RAB12: variants seen among roughly 807,000 people sequenced by gnomAD.
The protein encoded by RAB12 is RAB12, member RAS oncogene family, also known as ras-related protein Rab-12.
In RAB12, 11 loss-of-function variants were observed where a neutral mutation model predicts 28.4. The ratio of observed to expected loss-of-function variants is 0.39; its 90% confidence interval spans 0.24 to 0.64. The LOEUF is 0.64. Ranked by LOEUF, RAB12 falls within the 30% of genes least tolerant of loss-of-function variation. The pLI is 0.50. For synonymous variants in RAB12, 138 were observed against 145.3 expected (o/e 0.95, Z 0.36); for missense variants, 276 against 351.1 (o/e 0.79, Z 1.71).
At chr18:8,630,493 T>C (rs2096015328) in intron 2 of RAB12, among the ~76,000 whole-genome samples, 1 of 152,188 alleles carries the variant, frequency 6.6e-6, no homozygotes, top group Non-Finnish European at 1.5e-5. Flanking sequence ...TGTGTGTTCA[T>C]GTTCATGCTG....
At chr18:8,622,999 T>C (rs777038023) in intron 1 of RAB12, among the ~76,000 whole-genome samples, 15 of 152,206 alleles carry the variant, frequency 9.9e-5, no homozygotes, top group Non-Finnish European at 2.1e-4. Flanking sequence ...TCCCTGAACA[T>C]TGCTGTTATC....
intron 3 of RAB12, among the ~76,000 whole-genome samples, chr18:8,634,544 G>A (rs1205082355): frequency 6.6e-6 from 1 of 152,168 alleles, no homozygotes; most frequent in Non-Finnish European, 1.5e-5. Flanking sequence ...AAAACCAAAA[G>A]AAATGGCCTA....
At chr18:8,613,083 T>C (rs1255683356) in intron 1 of RAB12, among the ~76,000 whole-genome samples, 1 of 152,246 alleles carries the variant, frequency 6.6e-6, no homozygotes, top group African/African-American at 2.4e-5. Context: ...TGTTGTTTTT[T>C]GTATTGTTAA....
intron 2 of RAB12, among the ~76,000 whole-genome samples, chr18:8,625,853 G>C (rs996209263): frequency 2.0e-5 from 3 of 152,164 alleles, no homozygotes; most frequent in Non-Finnish European, 4.4e-5. Flanking sequence ...GCTTTCATCT[G>C]CGTTAATTGC....
intron 1 of RAB12, among the ~76,000 whole-genome samples, chr18:8,618,557 T>C (rs2096007959): frequency 6.6e-6 from 1 of 151,824 alleles, no homozygotes; most frequent in African/African-American, 2.4e-5. Context: ...TCCCCCAGGC[T>C]GGAGTACAGT....
intron 1 of RAB12, among the ~76,000 whole-genome samples, chr18:8,610,677 T>A (rs1441007166): frequency 6.6e-6 from 1 of 152,232 alleles, no homozygotes; most frequent in African/African-American, 2.4e-5. Flanking sequence ...GAAATTTTTT[T>A]AATTAAGTCA....
In RAB12 at chr18:8,625,022, G is replaced by A. The variant is rs749156619; in HGVS notation, c.575+24G>A. 16 of 1,453,564 alleles carry A rather than the reference G, an allele frequency of 1.1e-5. No individual in the cohort carries two copies. The South Asian group carries it at 1.7e-4, about 16-fold the overall frequency. 90.0% of individuals were successfully genotyped at this position (1,453,564 alleles called of 1,614,324 possible). ...TGGTAAGTGGGAGAGTGTGCACCCA[G>A]TAATGTGCTGTGTGTGTTTAACAGT... On this transcript the variant is annotated intron_variant, in intron 2 of 5. Coordinates refer to ENST00000649141, the MANE Select transcript of RAB12 (RefSeq NM_001025300.3).
intron 4 of RAB12, 148 bp downstream of exon 4, chr18:8,635,770 T>G: frequency 1.8e-6 from 1 of 549,820 alleles, no homozygotes; most frequent in Non-Finnish European, 3.1e-6. Flanking sequence ...TGTTTGCACT[T>G]TTTTGACTTC....
At chr18:8,632,279 C>T (rs2096016402) in intron 2 of RAB12, among the ~76,000 whole-genome samples, 1 of 132,030 alleles carries the variant, frequency 7.6e-6, no homozygotes, top group Non-Finnish European at 1.6e-5. Flanking sequence ...TAGACTCTGT[C>T]TCCAAAAAAA....
chr18:8,638,032 A>G (rs2096019934), intron 5 of RAB12, 117 bp from the exon 6 acceptor site: 1 of 634,772 alleles, frequency 1.6e-6, no homozygotes, highest in East Asian at 2.9e-5. Context: ...TGAAACTTGT[A>G]TTGAAAAGCA....
intron 4 of RAB12, 83 bp downstream of exon 4, chr18:8,635,705 A>T: frequency 1.2e-6 from 1 of 836,242 alleles, no homozygotes. Flanking sequence ...TACTTATTTT[A>T]AAAATTACAA....
intron 1 of RAB12, among the ~76,000 whole-genome samples, chr18:8,624,415 ATCT>A (rs945130409): frequency 3.9e-5 from 6 of 152,224 alleles, no homozygotes; most frequent in Admixed American, 1.3e-4. Flanking sequence ...AAATTTTAAA[ATCT>A]TCTCACTGTT....
rs766807365 is a variant in RAB12, at chr18:8,638,313, C to T, written c.*51C>T. 50 of 1,291,872 alleles carry T rather than the reference C, an allele frequency of 3.9e-5. No homozygotes were observed. The highest frequency in any genetic ancestry group is 8.6e-5 in the Admixed American group (5 of 58,164). The allele number at this position is 1,291,872 out of a possible 1,614,324, so 80.0% of individuals were successfully genotyped here. On this transcript the variant is annotated 3_prime_UTR_variant, in exon 6 of 6. Coordinates refer to ENST00000649141, the MANE Select transcript of RAB12 (RefSeq NM_001025300.3). ...AATGATTCCTGGAAAGGGGAAAAAA[C>T]GTTCTATTCTGCACTACAATCATTT...
chr18:8,624,305 C>A (rs945500067), intron 1 of RAB12, among the ~76,000 whole-genome samples: 2 of 152,126 alleles, frequency 1.3e-5, no homozygotes, highest in Admixed American at 1.3e-4. Flanking sequence ...ATATCTGAAG[C>A]TTTACAGGCT....
chr18:8,637,669 A>AACAG, intron 5 of RAB12, among the ~76,000 whole-genome samples: 1 of 152,194 alleles, frequency 6.6e-6, no homozygotes, highest in Non-Finnish European at 1.5e-5. Context: ...ACAGTCAGAA[A>AACAG]TCTGAGTATA....
At position 8,639,270 on chromosome 18, in the gene RAB12, T is replaced by C. The variant is rs1023461527; in HGVS notation, c.*1008T>C. The C allele has an allele frequency of 6.6e-6, 1 of 150,636 alleles. No individual in the cohort carries two copies. The highest frequency in any genetic ancestry group is 2.4e-5 in the African/African-American group (1 of 40,986). 9.3% of individuals were successfully genotyped at this position (150,636 alleles called of 1,614,324 possible). ...GCACTGTTTTGTTTAGTCAAGGTAA[T>C]TAAGTAATTATGTATTTGAATAACT... On this transcript the variant is annotated 3_prime_UTR_variant, in exon 6 of 6. Transcript: ENST00000649141.
intron 4 of RAB12, 184 bp downstream of exon 4, chr18:8,635,806 TGGAG>T (rs563734711): frequency 4.1e-5 from 21 of 507,802 alleles, no homozygotes; most frequent in South Asian, 2.0e-4. Flanking sequence ...CATTCTGAAA[TGGAG>T]GGAGAAAAAA....
intron 2 of RAB12, chr18:8,632,930 T>A (rs1396309731): frequency 2.3e-6 from 1 of 439,056 alleles, no homozygotes; most frequent in Non-Finnish European, 4.0e-6. Context: ...CAGGAGAGTA[T>A]GTTGATCTTG....
intron 2 of RAB12, among the ~76,000 whole-genome samples, chr18:8,631,692 G>A (rs190513704): frequency 3.9e-5 from 6 of 152,272 alleles, no homozygotes; most frequent in Admixed American, 2.6e-4. Context: ...GTTTTGTAAG[G>A]GGAAGAAATA....
Sources: allele counts gnomAD v4.1 joint callset (sites outside exome capture counted in the v4.1 genomes callset), GRCh38; gene constraint gnomAD v4.1.1; transcripts MANE v1.5; gene names NCBI Gene and HGNC (gene_info 2026-07-23, HGNC 2026-07-21).